Variants in TMC2 observed in about 807,000 individuals in gnomAD.
TMC2 encodes the protein transmembrane channel like 2, also known as transmembrane channel-like protein 2.
Under a neutral mutation model 105.9 loss-of-function variants are expected in TMC2, and 102 were observed. The observed-to-expected ratio is 0.96, with a 90% CI of 0.82 to 1.14. The LOEUF (loss-of-function observed/expected upper bound fraction) is 1.14, where lower values mean the gene tolerates loss of function less well. TMC2 is among the 50% of genes most tolerant of loss of function. TMC2 has a pLI of 0.00. For missense variants in TMC2, 1,093 were observed against 1,134.3 expected (o/e 0.96, Z 0.52); for synonymous variants, 402 against 422.8 (o/e 0.95, Z 0.60).
rs569849494 is a variant in TMC2 at position 2,592,320 on chromosome 20, G to C, written c.845G>C (p.Gly282Ala). 1.3e-4 allele frequency: 208 copies of C among 1,612,444 alleles called. No homozygotes were observed. The East Asian group carries it at 4.3e-3, about 33-fold the overall frequency. Residue 282 changes from glycine to alanine, a missense_variant, in exon 8 of 20, where the codon GGC becomes GCC. Transcript: ENST00000358864. The surrounding 1 kb of genome is among the most constrained non-coding windows in gnomAD (Gnocchi z 4.9). ...GTGTTTCTGCACAAGGTACTGATGG[G>C]CATGCCCTATGGGAGTATTCCCAGA... is the stretch of plus-strand genomic sequence containing the variant. ...GLVIIPEVLM[G>A]MPYGSIPRKT...
chr20:2,567,828 A>G (rs1196154309), intron 4 of TMC2, among the ~76,000 whole-genome samples: 2 of 152,230 alleles, frequency 1.3e-5, no homozygotes, highest in Admixed American at 6.5e-5. Context: ...TTAGAAGTAA[A>G]AAAATACAAT....
chr20:2,555,483 G>A (rs912688497), intron 2 of TMC2, among the ~76,000 whole-genome samples: 1 of 151,942 alleles, frequency 6.6e-6, no homozygotes, highest in Non-Finnish European at 1.5e-5. Flanking sequence ...GGGTTAACAC[G>A]ATTATCTTTC....
At chr20:2,562,142 G>T in intron 4 of TMC2, 132 bp downstream of exon 4, 3 of 1,164,922 alleles carry the variant, frequency 2.6e-6, no homozygotes, top group South Asian at 1.7e-5. Context: ...ACAGCACTCA[G>T]GGAGCCCCAT....
At chr20:2,579,076 C>T (rs2086168096) in intron 5 of TMC2, 70 bp from the exon 6 acceptor site, 2 of 862,340 alleles carry the variant, frequency 2.3e-6, no homozygotes, top group Admixed American at 3.7e-5. Flanking sequence ...TCCTCGTGCC[C>T]CTCATCATGC....
intron 17 of TMC2, among the ~76,000 whole-genome samples, chr20:2,628,467 G>T (rs1401842286): frequency 6.6e-6 from 1 of 151,906 alleles, no homozygotes; most frequent in African/African-American, 2.4e-5. Context: ...TAGGCTTTGT[G>T]CCCCCATCCA....
chr20:2,595,721 C>T (rs1467705844), intron 9 of TMC2, among the ~76,000 whole-genome samples: 1 of 151,350 alleles, frequency 6.6e-6, no homozygotes, highest in Non-Finnish European at 1.5e-5. Context: ...CCTGGGCCCA[C>T]TCTCCCTTCA....
chr20:2,567,694 C>T (rs1292268037), intron 4 of TMC2, among the ~76,000 whole-genome samples: 7 of 151,934 alleles, frequency 4.6e-5, no homozygotes, highest in African/African-American at 1.2e-4. Flanking sequence ...ACACCTTGCC[C>T]GACAAAGGTT....
chr20:2,558,675 G>A lies in TMC2; in HGVS notation c.302G>A (p.Arg101His), dbSNP rs771234177. The change falls in exon 3 of 20, where the codon CGC (arginine) becomes CAC (histidine). Residue 101 changes from arginine to histidine, a missense_variant. Transcript: ENST00000358864. This position sits in a 1 kb window ranked among gnomAD's most constrained non-coding sequence, Gnocchi z 4.6. ...AERTCEGRRKRDERASFQERT... is the reference protein window; with the variant it reads ...AERTCEGRRKHDERASFQERT... ...AGGACCTGCGAGGGCAGGAGAAAGC[G>A]CGACGAGAGGGCCTCCTTCCAGGAG... 3.8e-6 allele frequency: 6 copies of A among 1,596,802 alleles called. No individual in the cohort carries two copies. Among genetic ancestry groups the A allele is most frequent in the Non-Finnish European group, 5.1e-6 (6 of 1,171,780 alleles).
intron 2 of TMC2, among the ~76,000 whole-genome samples, chr20:2,545,891 TGAAAG>T (rs2085922880): frequency 1.1e-5 from 1 of 88,686 alleles, no homozygotes; most frequent in Admixed American, 1.3e-4. Flanking sequence ...AAGAAAGAAA[TGAAAG>T]AAAGAAAGAA....
At position 2,558,630 on chromosome 20, in the gene TMC2, A is replaced by C. The variant is rs2086000962; in HGVS notation, c.257A>C (p.Gln86Pro). The C allele has an allele frequency of 2.0e-5, 31 of 1,566,798 alleles. No individual in the cohort carries two copies. In the East Asian group the frequency reaches 6.8e-4, roughly 34 times the overall value. The change falls in exon 3 of 20, where the codon CAG becomes CCG. Residue 86 changes from glutamine (Q) to proline (P), a missense_variant. Transcript: ENST00000358864. This position sits in a 1 kb window ranked among gnomAD's most constrained non-coding sequence, Gnocchi z 4.6. ...AGACACAGAGAAGAGCTGGGGGAGC[A>C]GGAGCGGGGCGAGGCAGAGAGGACC... ...RRRHREELGEQERGEAERTCE... is the reference protein window; with the variant it reads ...RRRHREELGEPERGEAERTCE...
rs191637853 is a variant in TMC2 at position 2,555,398 on chromosome 20, C to T, written c.83-3058C>T. 7.2e-5 allele frequency among the ~76,000 whole-genome samples: 11 copies of T among 151,860 alleles called. No homozygotes were observed. The South Asian group carries it at 1.0e-3, about 14-fold the overall frequency. ...ACCTGGTCTTGCCCTTCTTTATCCC[C>T]GATAATTTTACTTGCTCTGAAATCT... On this transcript the variant is annotated intron_variant, in intron 2 of 19. Coordinates refer to ENST00000358864, the MANE Select transcript of TMC2 (RefSeq NM_080751.3).
intron 16 of TMC2, among the ~76,000 whole-genome samples, chr20:2,621,902 C>T (rs2146254576): frequency 6.6e-6 from 1 of 152,330 alleles, no homozygotes; most frequent in Non-Finnish European, 1.5e-5. Flanking sequence ...GCGTGACAAA[C>T]AGCAGGCACT....
At chr20:2,607,448 C>T (rs1252951809) in intron 11 of TMC2, among the ~76,000 whole-genome samples, 1 of 152,184 alleles carries the variant, frequency 6.6e-6, no homozygotes, top group Admixed American at 6.5e-5. Context: ...TTCAAAAGTT[C>T]AAGAGGCCCA....
intron 7 of TMC2, among the ~76,000 whole-genome samples, chr20:2,583,844 G>A (rs2086212387): frequency 6.6e-6 from 1 of 152,108 alleles, no homozygotes; most frequent in Non-Finnish European, 1.5e-5. Context: ...GCAGCCTTGT[G>A]AAAGATCCTG....
Position 2,616,225 on chromosome 20 carries a change from G to C in TMC2, c.1940+21G>C, listed in dbSNP as rs376591865. ...ATCTGGTGAGTTATCCATTTCATCTGGTGATCGCCTCATCCAAGGAGTCAA... is the reference window on the plus strand; with the variant it reads ...ATCTGGTGAGTTATCCATTTCATCTCGTGATCGCCTCATCCAAGGAGTCAA... On this transcript the variant is annotated intron_variant, in intron 15 of 19. Coordinates refer to ENST00000358864, the MANE Select transcript of TMC2 (RefSeq NM_080751.3). The surrounding 1 kb of genome is among the most constrained non-coding windows in gnomAD (Gnocchi z 4.8). 98 of 1,601,364 alleles carry C rather than the reference G, an allele frequency of 6.1e-5. No individual in the cohort carries two copies. The highest frequency in any genetic ancestry group is 2.3e-4 in the Admixed American group (14 of 59,998).
intron 4 of TMC2, among the ~76,000 whole-genome samples, chr20:2,569,072 G>T (rs2086084688): frequency 6.6e-6 from 1 of 152,148 alleles, no homozygotes; most frequent in African/African-American, 2.4e-5. Context: ...GCATGATTGG[G>T]TTTATCTAGT....
intron 2 of TMC2, among the ~76,000 whole-genome samples, chr20:2,554,280 G>A (rs745624931): frequency 1.1e-4 from 17 of 152,002 alleles, no homozygotes; most frequent in Admixed American, 2.0e-4. Flanking sequence ...CCTGGGCAAC[G>A]GAGCAACACC....
chr20:2,537,388 G>A, intron 2 of TMC2, 72 bp downstream of exon 2: 2 of 1,244,146 alleles, frequency 1.6e-6, no homozygotes, highest in Non-Finnish European at 1.2e-6. Flanking sequence ...CAACAGTCCA[G>A]CCACCCATCC....
chr20:2,632,038 T>TC (rs1314039072), intron 17 of TMC2, among the ~76,000 whole-genome samples: 2 of 151,856 alleles, frequency 1.3e-5, no homozygotes, highest in African/African-American at 4.8e-5. Context: ...TTTTTTTTTT[T>TC]CGAGATGGTG....
Sources: gnomAD v4.1 joint callset for allele counts (sites outside exome capture counted in the v4.1 genomes callset) on GRCh38, gnomAD v4.1.1 for gene constraint, Gnocchi (gnomAD v3.1) non-coding constraint, MANE v1.5 for transcripts, NCBI Gene and HGNC (gene_info 2026-07-23, HGNC 2026-07-21) for gene names.